Variants in FRAS1 observed in about 807,000 individuals in gnomAD.
FRAS1 encodes the protein Fraser extracellular matrix complex subunit 1.
A neutral mutation model predicts 435.2 loss-of-function variants in FRAS1; 290 were observed. That is an observed-to-expected ratio of 0.67 (90% confidence interval 0.61 to 0.73). FRAS1 has a LOEUF of 0.73. Among genes scored for constraint, FRAS1 ranks in the 30% least tolerant of loss-of-function variants. The pLI is 0.00. For missense variants in FRAS1, 4,860 were observed against 5,001.5 expected (o/e 0.97, Z 0.85); for synonymous variants, 1,800 against 1,851.0 (o/e 0.97, Z 0.71).
intron 2 of FRAS1, among the ~76,000 whole-genome samples, chr4:78,117,041 C>G (rs1743242266): frequency 6.6e-6 from 1 of 152,188 alleles, no homozygotes; most frequent in Non-Finnish European, 1.5e-5. Context: ...GACAAAATCT[C>G]TCAGCATTTG....
intron 40 of FRAS1, among the ~76,000 whole-genome samples, chr4:78,440,862 C>G (rs1286633687): frequency 6.6e-6 from 1 of 152,134 alleles, no homozygotes; most frequent in Non-Finnish European, 1.5e-5. Flanking sequence ...GCAGCTGAAC[C>G]GAGGTGGGTG....
chr4:78,177,115 T>C (rs929583157), intron 2 of FRAS1, among the ~76,000 whole-genome samples: 2 of 139,378 alleles, frequency 1.4e-5, no homozygotes, highest in African/African-American at 5.5e-5. Context: ...TGAGACAGAG[T>C]CTTGCTCTGT....
chr4:78,312,768 G>A (rs1388658646), intron 15 of FRAS1, among the ~76,000 whole-genome samples: 1 of 151,842 alleles, frequency 6.6e-6, no homozygotes, highest in Non-Finnish European at 1.5e-5. Flanking sequence ...AGAGATTGAA[G>A]CAGCAGTGAG....
At chr4:78,235,546 G>A (rs1034023287) in intron 2 of FRAS1, among the ~76,000 whole-genome samples, 8 of 152,194 alleles carry the variant, frequency 5.3e-5, no homozygotes. Context: ...TAGGAACTAT[G>A]AACTCTTGCT....
intron 2 of FRAS1, among the ~76,000 whole-genome samples, chr4:78,129,190 A>G (rs1719554212): frequency 6.6e-6 from 1 of 152,200 alleles, no homozygotes; most frequent in South Asian, 2.1e-4. Context: ...AGGTAGCGTG[A>G]TGCCTCCAGC....
At chr4:78,459,389 G>C (rs1178963921) in intron 47 of FRAS1, among the ~76,000 whole-genome samples, 1 of 152,166 alleles carries the variant, frequency 6.6e-6, no homozygotes, top group Non-Finnish European at 1.5e-5. Context: ...CACATAATTT[G>C]GTACACACAT....
intron 2 of FRAS1, among the ~76,000 whole-genome samples, chr4:78,236,995 C>G (rs991225306): frequency 1.3e-5 from 2 of 152,036 alleles, no homozygotes; most frequent in African/African-American, 2.4e-5. Context: ...GTGCATCTGT[C>G]TTTAAAAATC....
chr4:78,428,584 G>C (rs1024435664), intron 35 of FRAS1, among the ~76,000 whole-genome samples: 1 of 152,126 alleles, frequency 6.6e-6, no homozygotes, highest in African/African-American at 2.4e-5. Flanking sequence ...CGGCCTCCCA[G>C]AGTGCTGGGA....
rs781780679 is a variant in FRAS1 at position 78,507,553 on chromosome 4, T to G, written c.9449T>G (p.Val3150Gly). The G allele has an allele frequency of 1.9e-6, 3 of 1,611,246 alleles. No homozygotes were observed. In the East Asian group the frequency reaches 6.7e-5, roughly 36 times the overall value. ...AVLGDVTTAT[V>G]TILDQEAAGS... The stretch of plus-strand genomic sequence containing the variant: ...CTTGGGGATGTGACTACTGCCACGG[T>G]GACAATTCTAGACCAGGAGGCAGCA... The change falls in exon 62 of 74, where the codon GTG becomes GGG. Residue 3150 changes from valine (V) to glycine (G), a missense_variant. By Grantham distance (109) the Val-to-Gly change is moderately radical (BLOSUM62 -3). Coordinates refer to ENST00000512123, the MANE Select transcript of FRAS1 (RefSeq NM_025074.7).
chr4:78,065,025 A>AT (rs544472403), intron 1 of FRAS1, among the ~76,000 whole-genome samples: 1 of 144,878 alleles, frequency 6.9e-6, no homozygotes, highest in Non-Finnish European at 1.5e-5. Flanking sequence ...ATGTGTCTAT[A>AT]TTTTTTTTAA....
intron 47 of FRAS1, among the ~76,000 whole-genome samples, chr4:78,458,633 C>T (rs1165403363): frequency 2.6e-5 from 4 of 152,054 alleles, no homozygotes; most frequent in African/African-American, 9.7e-5. Flanking sequence ...TCAACAGAAG[C>T]CCAAACTTCA....
intron 2 of FRAS1, among the ~76,000 whole-genome samples, chr4:78,207,587 C>T (rs1247217223): frequency 1.3e-5 from 2 of 152,146 alleles, no homozygotes; most frequent in Non-Finnish European, 2.9e-5. Flanking sequence ...CCATAATCCT[C>T]CCAGTCATCT....
chr4:78,147,949 G>T (rs932768032), intron 2 of FRAS1, among the ~76,000 whole-genome samples: 4 of 152,088 alleles, frequency 2.6e-5, no homozygotes. Context: ...CTTATTATGA[G>T]AATTTTTCTG....
chr4:78,170,614 A>G (rs1056048068), intron 2 of FRAS1, among the ~76,000 whole-genome samples: 3 of 152,098 alleles, frequency 2.0e-5, no homozygotes, highest in African/African-American at 7.2e-5. Flanking sequence ...AAAGGAAAGG[A>G]AAAAAATGCA....
intron 2 of FRAS1, among the ~76,000 whole-genome samples, chr4:78,192,683 C>A (rs1722598351): frequency 2.0e-5 from 3 of 152,094 alleles, no homozygotes; most frequent in Admixed American, 1.3e-4. Flanking sequence ...ATTAGTCTTG[C>A]TAGTGGTCTA....
In FRAS1 at chr4:78,537,219, A is replaced by G. The variant is rs559958812; in HGVS notation, c.11298+19A>G. 6 of 1,608,198 alleles carry G rather than the reference A, an allele frequency of 3.7e-6. No individual in the cohort carries two copies. The highest frequency in any genetic ancestry group is 1.1e-5 in the South Asian group (1 of 90,222). On this transcript the variant is annotated intron_variant, in intron 72 of 73. Transcript: ENST00000512123. The stretch of plus-strand genomic sequence containing the variant: ...GCTGTTGGTATGCTAAGTTCTCACT[A>G]TTAGTGTTAAAGAGCAGACACTTGA...
intron 29 of FRAS1, among the ~76,000 whole-genome samples, chr4:78,400,028 C>G (rs1409129236): frequency 6.6e-6 from 1 of 152,206 alleles, no homozygotes; most frequent in Non-Finnish European, 1.5e-5. Context: ...CAACCTGGCT[C>G]CCTGAGCCCT....
rs747914625 is a variant in FRAS1, at chr4:78,282,961, A to T, written c.1249A>T (p.Thr417Ser). The T allele has an allele frequency of 1.3e-6, 2 of 1,532,242 alleles. No individual in the cohort carries two copies. Among genetic ancestry groups the T allele is most frequent in the Non-Finnish European group, 1.7e-6 (2 of 1,143,738 alleles). The allele number at this position is 1,532,242 out of a possible 1,614,324, so 94.9% of individuals were successfully genotyped here. ...EVKGQCCPDC[T>S]SVHCHPDCLT... is the part of the protein sequence containing the mutation. ...GAAGGGACAGTGCTGTCCAGACTGC[A>T]CATCAGGTGGGTCCATGTCTCCTCT... Residue 417 changes from threonine to serine, a missense_variant, in exon 12 of 74, where the codon ACA (threonine) becomes TCA (serine). By Grantham distance (58) the Thr-to-Ser change is moderately conservative. Transcript: ENST00000512123.
chr4:78,270,487 A>T (rs868318838), intron 9 of FRAS1, among the ~76,000 whole-genome samples: 1 of 151,866 alleles, frequency 6.6e-6, no homozygotes, highest in Non-Finnish European at 1.5e-5. Context: ...GTATTTTGCT[A>T]TAAGCTTTAA....
Sources: gnomAD v4.1 joint callset for allele counts (sites outside exome capture counted in the v4.1 genomes callset) on GRCh38, gnomAD v4.1.1 for gene constraint, MANE v1.5 for transcripts, NCBI Gene and HGNC (gene_info 2026-07-23, HGNC 2026-07-21) for gene names.